The following ABLIM2 variants were observed in gnomAD, a reference collection of about 807,000 sequenced individuals.
ABLIM2 encodes the protein actin binding LIM protein family member 2, also known as actin-binding LIM protein 2.
Under a neutral mutation model 97.7 loss-of-function variants are expected in ABLIM2, and 53 were observed. The observed-to-expected ratio is 0.54, with a 90% confidence interval of 0.44 to 0.68. ABLIM2 has a LOEUF of 0.68. ABLIM2 is among the 30% of genes least tolerant of loss of function. The probability of loss-of-function intolerance (pLI) is 0.00; values close to 1 mark genes in which losing one functional copy is unlikely to be tolerated. For missense variants in ABLIM2, 835 were observed against 867.2 expected (o/e 0.96, Z 0.47); for synonymous variants, 361 against 345.8 (o/e 1.04, Z -0.49).
At chr4:8,157,450 G>A (rs1715720755) in intron 1 of ABLIM2, among the ~76,000 whole-genome samples, 2 of 152,206 alleles carry the variant, frequency 1.3e-5, no homozygotes, top group Non-Finnish European at 2.9e-5. Flanking sequence ...AAAGGGTTCT[G>A]CCTCTGACCT....
rs191474009 is a variant in ABLIM2 at position 8,013,160 on chromosome 4, C to T, written c.1424-4058G>A. Among the ~76,000 whole-genome samples the T allele has an allele frequency of 6.2e-3, 940 of 151,568 alleles. 4 individuals carry two copies. Among genetic ancestry groups the T allele is most frequent in the Non-Finnish European group, 0.011 (728 of 67,948 alleles). ...CCTGAGAACATGCATGTGATAAACACTTACTGAATACCTACTCATCAGATA... is the reference window on the plus strand; with the variant it reads ...CCTGAGAACATGCATGTGATAAACATTTACTGAATACCTACTCATCAGATA... On this transcript the variant is annotated intron_variant, in intron 14 of 20. Transcript: ENST00000447017.
At chr4:8,084,427 G>T (rs1168584878) in intron 4 of ABLIM2, among the ~76,000 whole-genome samples, 29 of 152,184 alleles carry the variant, frequency 1.9e-4, no homozygotes, top group Admixed American at 1.8e-3. Context: ...CAGCCAGCAA[G>T]GGGGCGGGGG....
chr4:8,048,362 C>A (rs1167247094), intron 8 of ABLIM2, among the ~76,000 whole-genome samples: 2 of 152,232 alleles, frequency 1.3e-5, no homozygotes, highest in Non-Finnish European at 2.9e-5. Flanking sequence ...TGGGAGCTCA[C>A]CTGGCTCCAA....
At chr4:8,089,446 CCT>C (rs1362024433) in intron 3 of ABLIM2, among the ~76,000 whole-genome samples, 1 of 152,142 alleles carries the variant, frequency 6.6e-6, no homozygotes, top group Non-Finnish European at 1.5e-5. Flanking sequence ...CCTTAAATCC[CCT>C]GTGTGGCCAG....
intron 1 of ABLIM2, among the ~76,000 whole-genome samples, chr4:8,157,574 G>A (rs1417487602): frequency 6.6e-6 from 1 of 152,224 alleles, no homozygotes; most frequent in Non-Finnish European, 1.5e-5. Context: ...GGGAGTCCCT[G>A]GCCCTTAGCC....
At chr4:7,975,847 G>A (rs1376863179) in intron 20 of ABLIM2, among the ~76,000 whole-genome samples, 2 of 152,178 alleles carry the variant, frequency 1.3e-5, no homozygotes, top group Admixed American at 6.5e-5. Flanking sequence ...TAGAGACCAT[G>A]AGCCCTTCAA....
At position 8,071,488 on chromosome 4, in the gene ABLIM2, G is replaced by T. The variant is rs954833558; in HGVS notation, c.675+6140C>A. On this transcript the variant is annotated intron_variant, in intron 6 of 20. Transcript: ENST00000447017. This position sits in a 1 kb window ranked among gnomAD's most constrained non-coding sequence, Gnocchi z 6.2. ...TTTCGCGGGCAGGCGGGCACTGCGG[G>T]CGCCAGCACTTAGGATGGCACCATG... 6.6e-6 allele frequency among the ~76,000 whole-genome samples: 1 copy of T among 152,218 alleles called. No homozygotes were observed. Among genetic ancestry groups the T allele is most frequent in the African/African-American group, 2.4e-5 (1 of 41,456 alleles).
At chr4:8,139,206 A>G (rs867610716) in intron 1 of ABLIM2, among the ~76,000 whole-genome samples, 90 of 147,898 alleles carry the variant, frequency 6.1e-4, no homozygotes, top group Middle Eastern at 3.4e-3. Flanking sequence ...TTGAAAAGAG[A>G]AAACGGAAAA....
chr4:8,151,454 T>A (rs565594372), intron 1 of ABLIM2, among the ~76,000 whole-genome samples: 1 of 152,114 alleles, frequency 6.6e-6, no homozygotes, highest in South Asian at 2.1e-4. Flanking sequence ...CAGGCAGACA[T>A]CCACAGAAGC....
In ABLIM2 at chr4:8,002,044, T is replaced by A. The variant is rs150725115; in HGVS notation, c.1618+6015A>T. Among the ~76,000 whole-genome samples, 527 of 152,138 alleles carry A rather than the reference T, an allele frequency of 3.5e-3. 2 individuals carry two copies. The highest frequency in any genetic ancestry group is 5.1e-3 in the Non-Finnish European group (346 of 67,990). On this transcript the variant is annotated intron_variant, in intron 16 of 20. Coordinates refer to ENST00000447017, the MANE Select transcript of ABLIM2 (RefSeq NM_001130083.2). The surrounding 1 kb of genome is among the most constrained non-coding windows in gnomAD (Gnocchi z 6.1). ...GGCAGGAGATCACACCTGATTTGAG[T>A]CTCAGACCCTCTTGAGAAAGGAACA...
intron 9 of ABLIM2, among the ~76,000 whole-genome samples, chr4:8,042,273 C>T (rs553852113): frequency 1.4e-4 from 21 of 152,274 alleles, no homozygotes; most frequent in African/African-American, 5.1e-4. Context: ...AGTTCCTCCC[C>T]AAAGCCAGCC....
At chr4:8,016,538 T>C (rs1769363020) in intron 14 of ABLIM2, among the ~76,000 whole-genome samples, 1 of 152,146 alleles carries the variant, frequency 6.6e-6, no homozygotes, top group Non-Finnish European at 1.5e-5. Context: ...ACGATGTAGC[T>C]GGAAGCCAGG....
At position 8,023,535 on chromosome 4, in the gene ABLIM2, C is replaced by A. The variant is rs769578001; in HGVS notation, c.1268-3232G>T. On this transcript the variant is annotated intron_variant, in intron 12 of 20. Transcript: ENST00000447017. The surrounding 1 kb of genome is among the most constrained non-coding windows in gnomAD (Gnocchi z 5.7). ...CAGCAGAGCGGATCACTGGCCGTGG[C>A]GGCCTTGCTGACCGGGTCATGCTCG... Among the ~76,000 whole-genome samples the A allele has an allele frequency of 6.6e-6, 1 of 152,218 alleles. No homozygotes were observed. Among genetic ancestry groups the A allele is most frequent in the East Asian group, 1.9e-4 (1 of 5,182 alleles).
rs1772591089 is a variant in ABLIM2 at position 8,020,258 on chromosome 4, TCAGAGAGCA to T, written c.1304_1312del (p.Val435_Ser437del). On this transcript the variant is annotated inframe_deletion, in exon 13 of 21. Coordinates refer to ENST00000447017, the MANE Select transcript of ABLIM2 (RefSeq NM_001130083.2). The stretch of plus-strand genomic sequence containing the variant: ...GTAGGTGGAGGGGGGCGGCTTGCTG[TCAGAGAGCA>T]CGGAGAGGCTGGGGGTGCTCCGGCC... The T allele has an allele frequency of 1.9e-6, 3 of 1,613,728 alleles. No homozygotes were observed. The South Asian group carries it at 3.3e-5, about 18-fold the overall frequency.
At position 8,147,619 on chromosome 4, in the gene ABLIM2, C is replaced by T. The variant is rs932124914; in HGVS notation, c.10+11061G>A. The stretch of plus-strand genomic sequence containing the variant: ...GATGGAGCTGAGGGAGGTTTGAAGA[C>T]TCTGCCTTGAAGATTGGAGCAACGT... On this transcript the variant is annotated intron_variant, in intron 1 of 20. Coordinates refer to ENST00000447017, the MANE Select transcript of ABLIM2 (RefSeq NM_001130083.2). This position sits in a 1 kb window ranked among gnomAD's most constrained non-coding sequence, Gnocchi z 5.3. 6.6e-6 allele frequency among the ~76,000 whole-genome samples: 1 copy of T among 152,138 alleles called. No homozygotes were observed. Among genetic ancestry groups the T allele is most frequent in the African/African-American group, 2.4e-5 (1 of 41,424 alleles).
At chr4:8,089,732 CAAA>C (rs58396378) in intron 3 of ABLIM2, among the ~76,000 whole-genome samples, 8,578 of 87,222 alleles carry the variant, frequency 0.098, 335 homozygotes, top group African/African-American at 0.23. Context: ...AGATTCATAT[CAAA>C]AAAAAAAAAA....
Position 8,058,417 on chromosome 4 carries a change from C to A in ABLIM2, c.763+2550G>T, listed in dbSNP as rs1800720813. Among the ~76,000 whole-genome samples the A allele has an allele frequency of 6.6e-6, 1 of 152,222 alleles. No homozygotes were observed. Among genetic ancestry groups the A allele is most frequent in the East Asian group, 1.9e-4 (1 of 5,186 alleles). ...CCCTGTGACAATGGCCGCATGAGGT[C>A]ATTCAACAGCCCGCAGGCACCTGCA... is the stretch of plus-strand genomic sequence containing the variant. On this transcript the variant is annotated intron_variant, in intron 7 of 20. Transcript: ENST00000447017. This position sits in a 1 kb window ranked among gnomAD's most constrained non-coding sequence, Gnocchi z 4.2.
intron 3 of ABLIM2, among the ~76,000 whole-genome samples, chr4:8,093,285 A>G (rs951868952): frequency 2.0e-5 from 3 of 152,220 alleles, no homozygotes; most frequent in African/African-American, 7.2e-5. Context: ...TTGAACTCAT[A>G]TCTAACATGG....
At position 8,046,327 on chromosome 4, in the gene ABLIM2, G is replaced by T. The variant is rs1254295647; in HGVS notation, c.823-1086C>A. Among the ~76,000 whole-genome samples, 1 of 152,042 alleles carries T rather than the reference G, an allele frequency of 6.6e-6. No individual in the cohort carries two copies. The highest frequency in any genetic ancestry group is 1.5e-5 in the Non-Finnish European group (1 of 68,000). Reference sequence around the variant, plus strand: ...TGTCCCTCCCCACCTGCAGGGCAGGGGCCTCTCCTGGTTCAGCTCTCACTG... The same window carrying T: ...TGTCCCTCCCCACCTGCAGGGCAGGTGCCTCTCCTGGTTCAGCTCTCACTG... On this transcript the variant is annotated intron_variant, in intron 8 of 20. Coordinates refer to ENST00000447017, the MANE Select transcript of ABLIM2 (RefSeq NM_001130083.2). This position sits in a 1 kb window ranked among gnomAD's most constrained non-coding sequence, Gnocchi z 4.4.
Sources: gnomAD v4.1 joint callset for allele counts (sites outside exome capture counted in the v4.1 genomes callset) on GRCh38, gnomAD v4.1.1 for gene constraint, Gnocchi (gnomAD v3.1) non-coding constraint, MANE v1.5 for transcripts, NCBI Gene and HGNC (gene_info 2026-07-23, HGNC 2026-07-21) for gene names.